The following IRAK4 variants were observed in gnomAD, a reference collection of about 807,000 sequenced individuals.
IRAK4 encodes interleukin 1 receptor associated kinase 4, also known as interleukin-1 receptor-associated kinase 4.
A neutral mutation model predicts 51.8 loss-of-function variants in IRAK4; 44 were observed. That is an observed-to-expected ratio of 0.85 (90% CI 0.67 to 1.09). The LOEUF is 1.09. Ranked by LOEUF, IRAK4 falls within the 50% of genes least tolerant of loss-of-function variation. The pLI, the probability that IRAK4 is intolerant of heterozygous loss-of-function variation, is 0.00. For missense variants in IRAK4, 487 were observed against 538.0 expected, an observed-to-expected ratio of 0.91 and a Z score of 0.94; for synonymous variants, 149 against 174.1, an observed-to-expected ratio of 0.86 and a Z score of 1.13.
chr12:43,770,591 T>C (rs1940645493), intron 2 of IRAK4, among the ~76,000 whole-genome samples: 1 of 152,244 alleles, frequency 6.6e-6, no homozygotes, highest in African/African-American at 2.4e-5. Flanking sequence ...CAGTAAATTA[T>C]TATCATCATC....
chr12:43,761,120 C>T (rs545598564), intron 1 of IRAK4: 68 of 152,282 alleles, frequency 4.5e-4, no homozygotes, highest in African/African-American at 1.6e-3. Flanking sequence ...ATAGGCAGCC[C>T]TATCTAATTT....
rs1940383469 is a variant in IRAK4 at position 43,768,279 on chromosome 12, GAT to G, written c.161+9_161+10del. 1 of 1,596,140 alleles carries G rather than the reference GAT, an allele frequency of 6.3e-7. No individual in the cohort carries two copies. The highest frequency in any genetic ancestry group is 1.3e-5 in the African/African-American group (1 of 74,466). ...ACAATCAGTTTCACATAAGGTAACAGATAAAATTCTTTGTATTTTTAAATTCT... is the reference window on the plus strand; with the variant it reads ...ACAATCAGTTTCACATAAGGTAACAGAAAATTCTTTGTATTTTTAAATTCT... On this transcript the variant is annotated splice_region_variant and intron_variant, in intron 2 of 11. Transcript: ENST00000613694.
At chr12:43,779,402 C>G (rs954193881) in intron 8 of IRAK4, among the ~76,000 whole-genome samples, 4 of 152,014 alleles carry the variant, frequency 2.6e-5, no homozygotes, top group African/African-American at 9.7e-5. Context: ...AGTTTTATCA[C>G]AAGTGTAATG....
intron 2 of IRAK4, among the ~76,000 whole-genome samples, chr12:43,769,629 G>A (rs1240689766): frequency 6.6e-6 from 1 of 152,184 alleles, no homozygotes; most frequent in Non-Finnish European, 1.5e-5. Context: ...TCCAGCCTGA[G>A]TGACAGAGCA....
chr12:43,782,760 A>T (rs1403802637), intron 9 of IRAK4, among the ~76,000 whole-genome samples: 1 of 152,204 alleles, frequency 6.6e-6, no homozygotes, highest in Non-Finnish European at 1.5e-5. Flanking sequence ...TAAATGAATC[A>T]TGTCATACAG....
At chr12:43,766,024 C>G (rs545127468) in intron 1 of IRAK4, among the ~76,000 whole-genome samples, 37 of 152,244 alleles carry the variant, frequency 2.4e-4, no homozygotes, top group African/African-American at 8.2e-4. Flanking sequence ...AACTAATTTT[C>G]TTGCCTCAAT....
At chr12:43,765,357 C>T (rs147289507) in intron 1 of IRAK4, among the ~76,000 whole-genome samples, 1 of 152,352 alleles carries the variant, frequency 6.6e-6, no homozygotes, top group East Asian at 1.9e-4. Flanking sequence ...TCATCTTCAA[C>T]ATCATCTCAT....
At chr12:43,769,098 T>C (rs962996990) in intron 2 of IRAK4, among the ~76,000 whole-genome samples, 9 of 152,094 alleles carry the variant, frequency 5.9e-5, no homozygotes, top group African/African-American at 2.2e-4. Flanking sequence ...TAAAAACTTA[T>C]GGAAGATAAT....
At position 43,772,192 on chromosome 12, in the gene IRAK4, A is replaced by G. The variant is rs1433365948; in HGVS notation, c.320A>G (p.Lys107Arg). Residue 107 changes from lysine (K) to arginine (R), a missense_variant, in exon 4 of 12, where the codon AAA becomes AGA. Lys to Arg is a conservative substitution (Grantham distance 26). Coordinates refer to ENST00000613694, the MANE Select transcript of IRAK4 (RefSeq NM_016123.4). ...ASLLLPDAVP[K>R]TANTLPSKEA... Reference sequence around the variant, plus strand: ...CTTCATTTGTTAGATGCTGTTCCCAAAACTGCTAATACACTACCTTCTAAA... The same window carrying G: ...CTTCATTTGTTAGATGCTGTTCCCAGAACTGCTAATACACTACCTTCTAAA... The G allele has an allele frequency of 1.9e-6, 3 of 1,613,272 alleles. No individual in the cohort carries two copies. The highest frequency in any genetic ancestry group is 2.5e-6 in the Non-Finnish European group (3 of 1,179,712).
Position 43,773,011 on chromosome 12 carries a change from T to G in IRAK4, c.590T>G (p.Phe197Cys). Residue 197 changes from phenylalanine to cysteine, a missense_variant, in exon 5 of 12, where the codon TTT (phenylalanine) becomes TGT (cysteine). Transcript: ENST00000613694. ...GGTAATAAAATGGGAGAGGGAGGATTTGGAGTTGTATATAAAGGCTACGTA... is the reference window on the plus strand; with the variant it reads ...GGTAATAAAATGGGAGAGGGAGGATGTGGAGTTGTATATAAAGGCTACGTA... ...VGGNKMGEGG[F>C]GVVYKGYVNN... is the part of the protein sequence containing the mutation. 1.2e-6 allele frequency: 2 copies of G among 1,612,946 alleles called. No homozygotes were observed. The highest frequency in any genetic ancestry group is 1.7e-6 in the Non-Finnish European group (2 of 1,179,286).
In IRAK4 at chr12:43,788,318, A is replaced by G. The variant is rs1291670157; in HGVS notation, c.*1603A>G. ...ACCCCAGCAGGACACTGCCTAGTAG[A>G]GCTATGGGAAGGGTGCTGCCACCCT... On this transcript the variant is annotated 3_prime_UTR_variant, in exon 12 of 12. Transcript: ENST00000613694. 6.6e-6 allele frequency: 1 copy of G among 152,162 alleles called. No homozygotes were observed. The highest frequency in any genetic ancestry group is 1.9e-4 in the East Asian group (1 of 5,170). 9.4% of individuals were successfully genotyped at this position (152,162 alleles called of 1,614,324 possible). A position where few individuals can be genotyped will look rare whatever the true frequency, so the allele number is the denominator to read the frequency against.
At chr12:43,771,838 C>G (rs1049676794) in intron 3 of IRAK4, among the ~76,000 whole-genome samples, 1 of 152,092 alleles carries the variant, frequency 6.6e-6, no homozygotes, top group African/African-American at 2.4e-5. Context: ...ATAAGAATCA[C>G]TTAGGTTCTG....
intron 6 of IRAK4, 50 bp downstream of exon 6, chr12:43,774,079 A>G: frequency 7.6e-7 from 1 of 1,311,146 alleles, no homozygotes; most frequent in Middle Eastern, 1.8e-4. Context: ...AAAGACAAGG[A>G]GTAAAGAACC....
intron 9 of IRAK4, 114 bp from the exon 10 acceptor site, chr12:43,783,548 G>A (rs1056866576): frequency 3.7e-5 from 26 of 695,004 alleles, no homozygotes; most frequent in Middle Eastern, 3.8e-4. Flanking sequence ...CGTGAAGTCC[G>A]GGGCTCAAGT....
Position 43,778,076 on chromosome 12 carries a change from T to A in IRAK4, c.832-117T>A, listed in dbSNP as rs1186660712. On this transcript the variant is annotated intron_variant, in intron 7 of 11. Transcript: ENST00000613694. ...ATAACTTAAAAATGTAGTCCTAAATTATTAATGCTATAACATCATCTTCAG... is the reference window on the plus strand; with the variant it reads ...ATAACTTAAAAATGTAGTCCTAAATAATTAATGCTATAACATCATCTTCAG... 3 of 682,696 alleles carry A rather than the reference T, an allele frequency of 4.4e-6. No homozygotes were observed. The Admixed American group carries it at 7.6e-5, about 17-fold the overall frequency. The allele number at this position is 682,696 out of a possible 1,614,324, so 42.3% of individuals were successfully genotyped here.
At chr12:43,775,853 T>C (rs1941209803) in intron 6 of IRAK4, among the ~76,000 whole-genome samples, 1 of 151,336 alleles carries the variant, frequency 6.6e-6, no homozygotes, top group African/African-American at 2.4e-5. Flanking sequence ...ACTGGTTCCT[T>C]ACCTTCATTT....
At position 43,767,963 on chromosome 12, in the gene IRAK4, C is replaced by G. The variant is rs4251458; in HGVS notation, c.-9-140C>G. The G allele has an allele frequency of 4.8e-3, 3,110 of 641,720 alleles. 75 individuals are homozygous for G. In the African/African-American group the frequency reaches 0.05, roughly 10 times the overall value. 39.8% of individuals were successfully genotyped at this position (641,720 alleles called of 1,614,324 possible). Reference sequence around the variant, plus strand: ...TAATTTCATCTTAGGATATCAATGACTTGACTTTGGAATGTTTCTTTATTA... The same window carrying G: ...TAATTTCATCTTAGGATATCAATGAGTTGACTTTGGAATGTTTCTTTATTA... On this transcript the variant is annotated intron_variant, in intron 1 of 11. Transcript: ENST00000613694.
chr12:43,762,370 A>G (rs1401894112), intron 1 of IRAK4, among the ~76,000 whole-genome samples: 1 of 152,070 alleles, frequency 6.6e-6, no homozygotes, highest in Non-Finnish European at 1.5e-5. Context: ...TTTTTCCTCA[A>G]TTCCTTGTAT....
At chr12:43,784,727 T>G (rs978928346) in intron 10 of IRAK4, among the ~76,000 whole-genome samples, 1 of 152,140 alleles carries the variant, frequency 6.6e-6, no homozygotes, top group Non-Finnish European at 1.5e-5. Flanking sequence ...ATAGTGAAAA[T>G]CATAAATCTT....
Sources: gnomAD v4.1 joint callset for allele counts (sites outside exome capture counted in the v4.1 genomes callset) on GRCh38, gnomAD v4.1.1 for gene constraint, MANE v1.5 for transcripts, NCBI Gene and HGNC (gene_info 2026-07-23, HGNC 2026-07-21) for gene names.